WIPI2: variants seen among roughly 807,000 people sequenced by gnomAD.
The protein encoded by WIPI2 is WD repeat domain phosphoinositide-interacting protein 2.
In WIPI2, 28 loss-of-function variants were observed where a neutral mutation model predicts 52.3. That is an observed-to-expected ratio of 0.54 (90% CI 0.40 to 0.73). WIPI2 has a LOEUF of 0.73. WIPI2 is among the 30% of genes least tolerant of loss of function. WIPI2 has a pLI of 0.00. For missense variants in WIPI2, 506 were observed against 602.9 expected, an observed-to-expected ratio of 0.84 and a Z score of 1.68; for synonymous variants, 268 against 245.0, an observed-to-expected ratio of 1.09 and a Z score of -0.88.
intron 8 of WIPI2, chr7:5,222,956 C>T (rs1783219494): frequency 5.0e-6 from 2 of 403,162 alleles, no homozygotes; most frequent in Admixed American, 3.8e-5. Flanking sequence ...CAGCTCCCAG[C>T]CTGCTGTAAG....
chr7:5,229,558 A>G (rs769380496), intron 11 of WIPI2, 50 bp from the exon 12 acceptor site: 12 of 1,589,492 alleles, frequency 7.5e-6, no homozygotes, highest in Non-Finnish European at 1.0e-5. Context: ...TACTGCCCGC[A>G]GGGCTGCCCT....
chr7:5,199,475 GGGGAACTTGCT>G (rs1781920177), intron 2 of WIPI2, 90 bp from the exon 3 acceptor site: 1 of 949,342 alleles, frequency 1.1e-6, no homozygotes, highest in South Asian at 1.5e-5. Flanking sequence ...GAGGGCACGC[GGGGAACTTGCT>G]GGGAACTCGC....
intron 8 of WIPI2, among the ~76,000 whole-genome samples, chr7:5,225,057 A>T (rs1219980686): frequency 6.6e-6 from 1 of 152,010 alleles, no homozygotes; most frequent in Admixed American, 6.6e-5. Flanking sequence ...AGAAATTCAC[A>T]TGAATTTAGT....
Position 5,227,350 on chromosome 7 carries a change from T to C in WIPI2, c.1013+6T>C. The C allele has an allele frequency of 6.2e-7, 1 of 1,611,752 alleles. No individual in the cohort carries two copies. The highest frequency in any genetic ancestry group is 8.5e-7 in the Non-Finnish European group (1 of 1,179,844). On this transcript the variant is annotated splice_donor_region_variant and intron_variant, in intron 10 of 12. Transcript: ENST00000288828. The surrounding 1 kb of genome is among the most constrained non-coding windows in gnomAD (Gnocchi z 8.1). The stretch of plus-strand genomic sequence containing the variant: ...AACATCTGCTCGCTAGCCACGTGAG[T>C]AGAGCCGGCGCCTCCGTCCCCCACC...
chr7:5,216,720 T>C (rs1273208262), intron 5 of WIPI2, 61 bp downstream of exon 5: 5 of 1,512,494 alleles, frequency 3.3e-6, no homozygotes, highest in Non-Finnish European at 4.6e-6. Context: ...AAGATAGCTA[T>C]AGGTGAGAGA....
In WIPI2 at chr7:5,227,371, C is replaced by T. The variant is rs762200166; in HGVS notation, c.1013+27C>T. On this transcript the variant is annotated intron_variant, in intron 10 of 12. Transcript: ENST00000288828. This position sits in a 1 kb window ranked among gnomAD's most constrained non-coding sequence, Gnocchi z 8.1. The stretch of plus-strand genomic sequence containing the variant: ...TGAGTAGAGCCGGCGCCTCCGTCCC[C>T]CACCCCGTGTGCCTCAGGCCGAGGG... 4.4e-6 allele frequency: 7 copies of T among 1,607,326 alleles called. No homozygotes were observed. The highest frequency in any genetic ancestry group is 5.1e-6 in the Non-Finnish European group (6 of 1,178,644).
At chr7:5,191,325 C>A (rs6463310) in intron 1 of WIPI2, among the ~76,000 whole-genome samples, 144,292 of 152,226 alleles carry the variant, frequency 0.95, 68,440 homozygotes, top group African/African-American at 0.98. Flanking sequence ...CGCGGCCCTC[C>A]CTGTTCTTTT....
At position 5,230,352 on chromosome 7, in the gene WIPI2, C is replaced by G. The variant is rs13229920; in HGVS notation, c.1253-483C>G. Among the ~76,000 whole-genome samples, 7,642 of 152,278 alleles carry G rather than the reference C, an allele frequency of 0.05. 215 individuals carry two copies. The highest frequency in any genetic ancestry group is 0.056 in the African/African-American group (2,327 of 41,566). ...ACTAAGACCCATGCATGAGATCCTC[C>G]AGCCACAGCCTTGGCTATGTGAGCC... On this transcript the variant is annotated intron_variant, in intron 12 of 12. Transcript: ENST00000288828. The surrounding 1 kb of genome is among the most constrained non-coding windows in gnomAD (Gnocchi z 4.8).
At chr7:5,206,910 T>A (rs1176736488) in intron 3 of WIPI2, among the ~76,000 whole-genome samples, 1 of 152,232 alleles carries the variant, frequency 6.6e-6, no homozygotes, top group African/African-American at 2.4e-5. Context: ...CCAGAGTTGC[T>A]GAGGCTACAG....
chr7:5,222,692 A>G lies in WIPI2; in HGVS notation c.740+20A>G, dbSNP rs1179255890. ...AAAGAGGTAAAGTACGTGAATGTCCAGAATGGATTCTGGAGGTTGTATTTG... is the reference window on the plus strand; with the variant it reads ...AAAGAGGTAAAGTACGTGAATGTCCGGAATGGATTCTGGAGGTTGTATTTG... On this transcript the variant is annotated intron_variant, in intron 8 of 12. Transcript: ENST00000288828. The G allele has an allele frequency of 6.2e-7, 1 of 1,607,568 alleles. No homozygotes were observed. Among genetic ancestry groups the G allele is most frequent in the Non-Finnish European group, 8.5e-7 (1 of 1,174,550 alleles).
chr7:5,208,971 T>G (rs1265118281), intron 3 of WIPI2, among the ~76,000 whole-genome samples: 5 of 151,934 alleles, frequency 3.3e-5, no homozygotes, highest in African/African-American at 1.2e-4. Flanking sequence ...TATCTCTTCA[T>G]TTATTTAGCT....
chr7:5,205,990 TA>T (rs1212905288), intron 3 of WIPI2, among the ~76,000 whole-genome samples: 4 of 151,798 alleles, frequency 2.6e-5, no homozygotes, highest in African/African-American at 4.8e-5. Flanking sequence ...GGGTTGCAAA[TA>T]TTTTTTTTTT....
intron 3 of WIPI2, among the ~76,000 whole-genome samples, chr7:5,201,989 GTTAGC>G (rs1782049940): frequency 6.6e-6 from 1 of 151,820 alleles, no homozygotes; most frequent in African/African-American, 2.4e-5. Flanking sequence ...TAGAAAACAG[GTTAGC>G]TACTAAGTGA....
At chr7:5,194,569 A>T (rs1331910145) in intron 2 of WIPI2, among the ~76,000 whole-genome samples, 1 of 152,232 alleles carries the variant, frequency 6.6e-6, no homozygotes, top group Admixed American at 6.5e-5. Context: ...TTTTGGTTCC[A>T]TCCCCAGACC....
intron 3 of WIPI2, among the ~76,000 whole-genome samples, chr7:5,213,635 G>A (rs1324850348): frequency 2.6e-5 from 4 of 152,088 alleles, no homozygotes; most frequent in African/African-American, 7.2e-5. Flanking sequence ...GTGTTTGCAC[G>A]ACACAATTGC....
At chr7:5,210,067 C>T (rs1782481051) in intron 3 of WIPI2, among the ~76,000 whole-genome samples, 2 of 152,096 alleles carry the variant, frequency 1.3e-5, no homozygotes, top group African/African-American at 4.8e-5. Flanking sequence ...ACCGCGATGC[C>T]CGGCTCATTT....
chr7:5,229,151 G>C (rs918247286), intron 11 of WIPI2, among the ~76,000 whole-genome samples: 29 of 152,216 alleles, frequency 1.9e-4, no homozygotes, highest in African/African-American at 7.0e-4. Flanking sequence ...GAGTAGCTGG[G>C]ATGACAGGTG....
intron 3 of WIPI2, among the ~76,000 whole-genome samples, chr7:5,210,448 G>A (rs768165941): frequency 2.6e-5 from 4 of 152,126 alleles, no homozygotes; most frequent in Non-Finnish European, 5.9e-5. Context: ...TCTCATACAC[G>A]GTCTTGGCTT....
chr7:5,216,917 A>G (rs1782842156), intron 5 of WIPI2, 173 bp from the exon 6 acceptor site: 1 of 737,872 alleles, frequency 1.4e-6, no homozygotes, highest in African/African-American at 1.8e-5. Context: ...TACTGGTATC[A>G]CCTAAGGTGG....
Sources: allele counts gnomAD v4.1 joint callset (sites outside exome capture counted in the v4.1 genomes callset), GRCh38; gene constraint gnomAD v4.1.1; non-coding constraint Gnocchi (gnomAD v3.1); transcripts MANE v1.5; gene names NCBI Gene and HGNC (gene_info 2026-07-23, HGNC 2026-07-21).